CHD1L: variants seen among roughly 807,000 people sequenced by gnomAD.
CHD1L encodes the protein ATP-dependent chromatin remodeler CHD1L.
In CHD1L, 118 loss-of-function variants were observed where a neutral mutation model predicts 115.9. That is an observed-to-expected ratio of 1.02 (90% CI 0.88 to 1.19). The LOEUF is 1.19. Among genes scored for constraint, CHD1L ranks in the 50% most tolerant of loss-of-function variants. The pLI, the probability that CHD1L is intolerant of heterozygous loss-of-function variation, is 0.00. For synonymous variants in CHD1L, 411 were observed against 387.1 expected (o/e 1.06, Z -0.72); for missense variants, 1,179 against 1,065.3 (o/e 1.11, Z -1.49).
rs1227659250 is a variant in CHD1L, at chr1:147,294,336, T to C, written c.2507-73T>C. On this transcript the variant is annotated intron_variant, in intron 21 of 22. Transcript: ENST00000369258. ...TGAGGGAGATAGTCAATAATAATTT[T>C]CTCCCATGTGTATTTTATACCCATC... The C allele has an allele frequency of 3.1e-6, 3 of 960,448 alleles. No homozygotes were observed. In the Admixed American group the frequency reaches 7.1e-5, roughly 23 times the overall value. 59.5% of individuals were successfully genotyped at this position (960,448 alleles called of 1,614,324 possible).
At chr1:147,194,063 G>T in the CHD1L span, among the ~76,000 whole-genome samples, 4 of 152,082 alleles carry the variant, frequency 2.6e-5, no homozygotes, top group Non-Finnish European at 4.4e-5. Context: ...GGGTATCCTT[G>T]TTAACCTTCT....
At chr1:147,180,794 C>A in the CHD1L span, among the ~76,000 whole-genome samples, 3 of 152,186 alleles carry the variant, frequency 2.0e-5, no homozygotes, top group African/African-American at 7.2e-5. Context: ...AGGTCCACCT[C>A]TCCTTTTGAC....
At chr1:147,238,570 A>G (rs1664662686), upstream of CHD1L, among the ~76,000 whole-genome samples, 1 of 152,208 alleles carries the variant, frequency 6.6e-6, no homozygotes, top group South Asian at 2.1e-4. Context: ...GTATAACCTG[A>G]ACAATGAATG....
At chr1:147,191,243 C>T in the CHD1L span, among the ~76,000 whole-genome samples, 5,590 of 152,076 alleles carry the variant, frequency 0.037, 156 homozygotes, top group South Asian at 0.094. Context: ...GTTCTAGATT[C>T]CTGAGGAATC....
chr1:147,202,263 T>C, the CHD1L span, among the ~76,000 whole-genome samples: 2 of 151,306 alleles, frequency 1.3e-5, no homozygotes, highest in African/African-American at 2.4e-5. Flanking sequence ...TTACTTTTAA[T>C]AATAATAAGG....
chr1:147,275,332 T>C, intron 12 of CHD1L, 22 bp from the exon 13 acceptor site: 1 of 1,569,784 alleles, frequency 6.4e-7, no homozygotes, highest in Non-Finnish European at 8.8e-7. Context: ...GCTGATTACA[T>C]TCCTTTTTGC....
chr1:147,203,504 C>T, the CHD1L span: 1 of 863,710 alleles, frequency 1.2e-6, no homozygotes, highest in Non-Finnish European at 2.0e-6. Flanking sequence ...TTATTTCCTT[C>T]TTGAGGTACT....
At chr1:147,290,134 G>A (rs1295542597) in intron 19 of CHD1L, among the ~76,000 whole-genome samples, 1 of 152,174 alleles carries the variant, frequency 6.6e-6, no homozygotes, top group African/African-American at 2.4e-5. Context: ...ATTGTCTGGA[G>A]TGCAGTGGCC....
upstream of CHD1L, among the ~76,000 whole-genome samples, chr1:147,241,871 A>C (rs1664932912): frequency 6.6e-6 from 1 of 152,184 alleles, no homozygotes; most frequent in Non-Finnish European, 1.5e-5. Context: ...GCCAATTACC[A>C]TTACAAGTCC....
At chr1:147,215,695 C>T in the CHD1L span, 11 of 1,264,818 alleles carry the variant, frequency 8.7e-6, no homozygotes, top group Admixed American at 2.0e-5. Flanking sequence ...ACTGAAACCA[C>T]GTTATTCATT....
At position 147,287,650 on chromosome 1, in the gene CHD1L, G is replaced by A. The variant is rs1553967058; in HGVS notation, c.2237G>A (p.Trp746Ter). 6.2e-7 allele frequency: 1 copy of A among 1,613,738 alleles called. No homozygotes were observed. The highest frequency in any genetic ancestry group is 1.1e-5 in the South Asian group (1 of 91,040). ...CTTCAAACAGATGACTCTGGCCACT[G>A]GGGCAGAGGTGGTTTATTTACAGCT... is the stretch of plus-strand genomic sequence containing the variant. ...IVHCVDDSGH[W>*]GRGGLFTALE... The change falls in exon 19 of 23, where the codon TGG (tryptophan) becomes TAG (stop). Residue 746 changes from tryptophan (W) to a stop codon, truncating the protein, a stop_gained. Transcript: ENST00000369258. LOFTEE classifies it high-confidence loss of function.
At chr1:147,176,907 T>C in the CHD1L span, among the ~76,000 whole-genome samples, 1 of 151,998 alleles carries the variant, frequency 6.6e-6, no homozygotes, top group African/African-American at 2.4e-5. Flanking sequence ...CAATATGAAA[T>C]GTTTAGCTTA....
Position 147,272,246 on chromosome 1 carries a change from A to G in CHD1L, c.1235A>G (p.Gln412Arg), listed in dbSNP as rs1553953908. Residue 412 changes from glutamine (Q) to arginine (R), a missense_variant, in exon 12 of 23, where the codon CAG becomes CGG. Coordinates refer to ENST00000369258, the MANE Select transcript of CHD1L (RefSeq NM_004284.6). ...RHLAIKNFGQ[Q>R]PIFVFLLSTR... ...TTGGCCATTAAGAACTTTGGACAGC[A>G]GCCCATTTTCGTTTTTCTCCTGAGT... 6.2e-7 allele frequency: 1 copy of G among 1,614,166 alleles called. No homozygotes were observed.
At chr1:147,181,426 G>A in the CHD1L span, among the ~76,000 whole-genome samples, 2 of 152,158 alleles carry the variant, frequency 1.3e-5, no homozygotes, top group African/African-American at 2.4e-5. Context: ...TCATCACAGA[G>A]TGAAGATATG....
chr1:147,223,034 T>C, the CHD1L span, among the ~76,000 whole-genome samples: 1 of 152,192 alleles, frequency 6.6e-6, no homozygotes, highest in Non-Finnish European at 1.5e-5. Flanking sequence ...ATTCACTTAC[T>C]CCTGACAATA....
intron 1 of CHD1L, among the ~76,000 whole-genome samples, chr1:147,245,696 C>CTTT (rs11350539): frequency 9.0e-4 from 132 of 147,240 alleles, no homozygotes; most frequent in Middle Eastern, 3.5e-3. Context: ...GAAAATTCAA[C>CTTT]TTTTTTTTTT....
intron 14 of CHD1L, among the ~76,000 whole-genome samples, chr1:147,278,525 A>T (rs11464073): frequency 1 from 150,142 of 150,220 alleles, 75,032 homozygotes; most frequent in Middle Eastern, 1. Flanking sequence ...GCCTGGGGGT[A>T]TTTTTTTTTT....
chr1:147,293,606 A>AGTTG lies in CHD1L; in HGVS notation c.2392_2395dup, dbSNP rs782367479. On this transcript the variant is annotated splice_acceptor_variant, in intron 20 of 22. Transcript: ENST00000369258. LOFTEE classifies it high-confidence loss of function. ...TGGTCATCTAATGGTGGTTCTTTCC[A>AGTTG]GTTGGCCTTGATTGTGGCTCAGCAT... is the stretch of plus-strand genomic sequence containing the variant. The AGTTG allele has an allele frequency of 9.3e-6, 15 of 1,613,420 alleles. No individual in the cohort carries two copies. In the Admixed American group the frequency reaches 2.5e-4, roughly 27 times the overall value.
At position 147,295,740 on chromosome 1, in the gene CHD1L, A is replaced by G; in HGVS notation, c.*231A>G. 1.9e-6 allele frequency: 1 copy of G among 513,904 alleles called. No individual in the cohort carries two copies. Among genetic ancestry groups the G allele is most frequent in the Non-Finnish European group, 3.4e-6 (1 of 296,170 alleles). The allele number at this position is 513,904 out of a possible 1,614,324, so 31.8% of individuals were successfully genotyped here. ...TTTGACCCCAGCTTGCTAGTTGCAT[A>G]ATAATAAATTTTCTGTTCCTAATGG... On this transcript the variant is annotated 3_prime_UTR_variant, in exon 23 of 23. Coordinates refer to ENST00000369258, the MANE Select transcript of CHD1L (RefSeq NM_004284.6).
Sources: allele counts gnomAD v4.1 joint callset (sites outside exome capture counted in the v4.1 genomes callset), GRCh38; gene constraint gnomAD v4.1.1; transcripts MANE v1.5; gene names NCBI Gene and HGNC (gene_info 2026-07-23, HGNC 2026-07-21).